Variants in FARP1 observed in about 807,000 individuals in gnomAD.
FARP1 encodes the protein FERM, ARHGEF and pleckstrin domain-containing protein 1.
A neutral mutation model predicts 128.8 loss-of-function variants in FARP1; 52 were observed. The ratio of observed to expected loss-of-function variants is 0.40; its 90% confidence interval spans 0.32 to 0.51. The LOEUF is 0.51. Ranked by LOEUF, FARP1 falls within the 20% of genes least tolerant of loss-of-function variation. The pLI is 0.45. For missense variants in FARP1, 1,333 were observed against 1,367.9 expected, an observed-to-expected ratio of 0.97 and a Z score of 0.40; for synonymous variants, 580 against 551.8, an observed-to-expected ratio of 1.05 and a Z score of -0.72.
In FARP1 at chr13:98,389,948, C is replaced by T; in HGVS notation, c.856-9C>T. The T allele has an allele frequency of 6.2e-7, 1 of 1,613,512 alleles. No individual in the cohort carries two copies. The highest frequency in any genetic ancestry group is 8.5e-7 in the Non-Finnish European group (1 of 1,179,780). The stretch of plus-strand genomic sequence containing the variant: ...TGGAAAAAACCACCGTTGTATTTTC[C>T]CTTTTTAGAGTGCGTACCAGGATAC... On this transcript the variant is annotated splice_polypyrimidine_tract_variant and intron_variant, in intron 9 of 26. Coordinates refer to ENST00000319562, the MANE Select transcript of FARP1 (RefSeq NM_005766.4).
intron 2 of FARP1, among the ~76,000 whole-genome samples, chr13:98,262,879 C>T (rs530766618): frequency 6.6e-6 from 1 of 152,258 alleles, no homozygotes; most frequent in East Asian, 1.9e-4. Context: ...CTAAGTATTA[C>T]AGTGGCCTGG....
At chr13:98,289,566 A>G (rs1885352962) in intron 2 of FARP1, among the ~76,000 whole-genome samples, 1 of 152,224 alleles carries the variant, frequency 6.6e-6, no homozygotes, top group African/African-American at 2.4e-5. Flanking sequence ...GACTACGTCT[A>G]GATCTCATGC....
At position 98,262,116 on chromosome 13, in the gene FARP1, A is replaced by G. The variant is rs144008823; in HGVS notation, c.171+48703A>G. 7.9e-3 allele frequency among the ~76,000 whole-genome samples: 1,183 copies of G among 150,266 alleles called. 19 individuals carry two copies. Among genetic ancestry groups the G allele is most frequent in the African/African-American group, 0.028 (1,136 of 40,770 alleles). ...CTGCAACCTCCACCTCCCGGGGTCA[A>G]GTGATTTTCCAGCTTCAACCTCCCA... On this transcript the variant is annotated intron_variant, in intron 2 of 26. Coordinates refer to ENST00000319562, the MANE Select transcript of FARP1 (RefSeq NM_005766.4).
intron 2 of FARP1, among the ~76,000 whole-genome samples, chr13:98,217,723 A>G (rs1459953102): frequency 2.6e-5 from 4 of 152,132 alleles, no homozygotes; most frequent in African/African-American, 7.2e-5. Context: ...CTCATGCCAG[A>G]ACACCCTCTT....
intron 2 of FARP1, among the ~76,000 whole-genome samples, chr13:98,214,021 C>G (rs1352823400): frequency 6.6e-6 from 1 of 152,130 alleles, no homozygotes; most frequent in Non-Finnish European, 1.5e-5. Flanking sequence ...GCCCTGCCAC[C>G]GCAGGGCCCT....
At chr13:98,403,997 T>TCCACCACCA (rs922843665) in intron 13 of FARP1, 5 of 150,280 alleles carry the variant, frequency 3.3e-5, no homozygotes, top group African/African-American at 7.5e-5. Context: ...AAACACTGCC[T>TCCACCACCA]CCACCACCAC....
intron 5 of FARP1, among the ~76,000 whole-genome samples, chr13:98,369,715 A>G (rs1379109536): frequency 2.6e-5 from 4 of 151,788 alleles, no homozygotes; most frequent in East Asian, 1.9e-4. Flanking sequence ...TTATGGCTGC[A>G]TAGTATTCCA....
rs563613817 is a variant in FARP1, at chr13:98,412,824, C to G, written c.1826+790C>G. Among the ~76,000 whole-genome samples, 3 of 152,276 alleles carry G rather than the reference C, an allele frequency of 2.0e-5. No individual in the cohort carries two copies. The East Asian group carries it at 5.8e-4, about 29-fold the overall frequency. On this transcript the variant is annotated intron_variant, in intron 16 of 26. Coordinates refer to ENST00000319562, the MANE Select transcript of FARP1 (RefSeq NM_005766.4). Reference sequence around the variant, plus strand: ...TTAAAGACAATTATATGGAGAGAGACACATGGGGAGTTGATTGTCTACTAA... The same window carrying G: ...TTAAAGACAATTATATGGAGAGAGAGACATGGGGAGTTGATTGTCTACTAA...
intron 2 of FARP1, among the ~76,000 whole-genome samples, chr13:98,321,918 A>G (rs781604057): frequency 9.9e-5 from 15 of 152,228 alleles, no homozygotes; most frequent in African/African-American, 3.4e-4. Context: ...GCAGTTATCA[A>G]CCTTCCCTGC....
At chr13:98,334,375 T>C (rs1887649990) in intron 2 of FARP1, 1 of 152,194 alleles carries the variant, frequency 6.6e-6, no homozygotes, top group East Asian at 1.9e-4. Context: ...GCTTCTAATA[T>C]ACTTTTGATA....
intron 13 of FARP1, chr13:98,402,958 C>G (rs567674231): frequency 6.6e-6 from 1 of 152,240 alleles, no homozygotes; most frequent in African/African-American, 2.4e-5. Context: ...TTCCGTTGTT[C>G]CATTGTATGC....
At chr13:98,177,354 A>G in intron 1 of FARP1, 2 of 808,050 alleles carry the variant, frequency 2.5e-6, no homozygotes, top group Non-Finnish European at 3.7e-6. Context: ...GTGAAAGAAA[A>G]GCTTCTGCTA....
intron 11 of FARP1, among the ~76,000 whole-genome samples, chr13:98,391,820 A>G (rs559777075): frequency 2.0e-5 from 3 of 152,312 alleles, no homozygotes; most frequent in East Asian, 1.9e-4. Context: ...CCCAAGCCCA[A>G]TGCTCCAAGG....
chr13:98,388,795 C>T (rs1477552684), intron 9 of FARP1, among the ~76,000 whole-genome samples: 1 of 152,208 alleles, frequency 6.6e-6, no homozygotes, highest in Non-Finnish European at 1.5e-5. Flanking sequence ...GCTGTGCATC[C>T]AGCCCCAGGC....
At chr13:98,194,112 T>C (rs901978079) in intron 1 of FARP1, among the ~76,000 whole-genome samples, 1 of 151,862 alleles carries the variant, frequency 6.6e-6, no homozygotes, top group Admixed American at 6.6e-5. Flanking sequence ...TTATTTTCTA[T>C]TTATTATTAT....
At chr13:98,319,507 C>T (rs1329005415) in intron 2 of FARP1, among the ~76,000 whole-genome samples, 2 of 152,126 alleles carry the variant, frequency 1.3e-5, no homozygotes, top group Non-Finnish European at 2.9e-5. Flanking sequence ...GTAGTCCCAG[C>T]TACTCTGGCG....
chr13:98,403,641 A>G (rs1442933073), intron 13 of FARP1: 1 of 152,206 alleles, frequency 6.6e-6, no homozygotes, highest in African/African-American at 2.4e-5. Context: ...GGCACCCAAC[A>G]TGTAGGTTCT....
intron 2 of FARP1, among the ~76,000 whole-genome samples, chr13:98,221,649 C>T (rs576600273): frequency 1.6e-4 from 24 of 152,208 alleles, no homozygotes; most frequent in African/African-American, 4.8e-4. Flanking sequence ...AGAAATTTTA[C>T]GTGCATTTTT....
intron 8 of FARP1, among the ~76,000 whole-genome samples, chr13:98,387,099 G>A (rs1444173103): frequency 5.3e-5 from 8 of 152,128 alleles, no homozygotes; most frequent in Admixed American, 2.0e-4. Context: ...TCAGGAGTTC[G>A]AGACTAGCCT....
Sources: allele counts gnomAD v4.1 joint callset (sites outside exome capture counted in the v4.1 genomes callset), GRCh38; gene constraint gnomAD v4.1.1; transcripts MANE v1.5; gene names NCBI Gene and HGNC (gene_info 2026-07-23, HGNC 2026-07-21).